Variants in COQ6 observed in about 807,000 individuals in gnomAD.
COQ6 encodes the protein ubiquinone biosynthesis monooxygenase COQ6, mitochondrial.
COQ6 carries 45 observed loss-of-function variants against 55.5 expected under a neutral mutation model. That is an observed-to-expected ratio of 0.81 (90% CI 0.64 to 1.04). The LOEUF (loss-of-function observed/expected upper bound fraction) is 1.04. Among genes scored for constraint, COQ6 ranks in the 50% least tolerant of loss-of-function variants. The probability of loss-of-function intolerance (pLI) is 0.00; values close to 1 mark genes in which losing one functional copy is unlikely to be tolerated. For missense variants in COQ6, 550 were observed against 601.3 expected (o/e 0.91, Z 0.89); for synonymous variants, 206 against 230.5 (o/e 0.89, Z 0.96).
intron 4 of COQ6, 30 bp downstream of exon 4, chr14:73,955,958 A>T: frequency 6.2e-7 from 1 of 1,613,572 alleles, no homozygotes; most frequent in Non-Finnish European, 8.5e-7. Flanking sequence ...CCTTGCATTC[A>T]TTGGGAAGTG....
chr14:73,960,186 C>T (rs941015802), intron 8 of COQ6: 6 of 987,506 alleles, frequency 6.1e-6, no homozygotes, highest in Non-Finnish European at 6.0e-6. Context: ...AAAGGCCGAG[C>T]GAATTTCAGC....
Position 73,963,379 on chromosome 14 carries a change from A to C in COQ6, c.*380A>C, listed in dbSNP as rs1400410771. 2.9e-6 allele frequency: 1 copy of C among 343,224 alleles called. No individual in the cohort carries two copies. Among genetic ancestry groups the C allele is most frequent in the Non-Finnish European group, 5.2e-6 (1 of 190,636 alleles). The allele number at this position is 343,224 out of a possible 1,614,324, so 21.3% of individuals were successfully genotyped here. A position where few individuals can be genotyped will look rare whatever the true frequency, so the allele number is the denominator to read the frequency against. ...ATACAGTTGTTTTTTGATAGAGGTA[A>C]GAATTAGACTCGATGCATTTTTGTT... On this transcript the variant is annotated 3_prime_UTR_variant, in exon 12 of 12. Transcript: ENST00000334571.
chr14:73,955,658 G>A (rs569943248), intron 3 of COQ6, 147 bp from the exon 4 acceptor site: 2 of 1,415,082 alleles, frequency 1.4e-6, no homozygotes, highest in African/African-American at 1.4e-5. Context: ...ATTCCCAGGA[G>A]AATTTTCTTC....
chr14:73,954,851 A>G (rs1353857535), intron 2 of COQ6, among the ~76,000 whole-genome samples: 5 of 150,768 alleles, frequency 3.3e-5, no homozygotes, highest in Non-Finnish European at 7.4e-5. Flanking sequence ...CTCAAAAAAA[A>G]AAAAAAAAAA....
intron 11 of COQ6, 154 bp from the exon 12 acceptor site, chr14:73,962,816 C>T: frequency 1.5e-6 from 1 of 660,840 alleles, no homozygotes; most frequent in South Asian, 1.9e-5. Context: ...GACCCTGTCT[C>T]TAAAACGTGT....
chr14:73,958,096 C>A, intron 4 of COQ6, 51 bp from the exon 5 acceptor site: 1 of 1,461,528 alleles, frequency 6.8e-7, no homozygotes, highest in Non-Finnish European at 9.6e-7. Context: ...TTTTCCTCAG[C>A]CTATGTGGCC....
Position 73,950,329 on chromosome 14 carries a change from C to A in COQ6, c.-4C>A. 1 of 1,550,482 alleles carries A rather than the reference C, an allele frequency of 6.4e-7. No homozygotes were observed. The highest frequency in any genetic ancestry group is 8.7e-7 in the Non-Finnish European group (1 of 1,150,638). ...TTCTGAGTGCGACGGCGCAGGTCTG[C>A]ACCATGGCGGCCCGGCTTGTCAGCC... On this transcript the variant is annotated 5_prime_UTR_variant, in exon 1 of 12. Coordinates refer to ENST00000334571, the MANE Select transcript of COQ6 (RefSeq NM_182476.3).
chr14:73,950,185 G>A (rs760872808), upstream of COQ6: 9 of 1,562,084 alleles, frequency 5.8e-6, no homozygotes, highest in South Asian at 4.6e-5. Flanking sequence ...GGCAAGGTTC[G>A]TTTTCCGATT....
rs1207947323 is a variant in COQ6 at position 73,953,416 on chromosome 14, T to C, written c.164-19T>C. On this transcript the variant is annotated intron_variant, in intron 1 of 11. Transcript: ENST00000334571. ...AATTCTTGATTTTCCTAAGATGATA[T>C]AAATTTTCTTTTTTTAAGGATATGA... is the stretch of plus-strand genomic sequence containing the variant. 3.7e-6 allele frequency: 6 copies of C among 1,600,400 alleles called. No homozygotes were observed. Among genetic ancestry groups the C allele is most frequent in the Non-Finnish European group, 4.3e-6 (5 of 1,168,182 alleles).
At position 73,959,532 on chromosome 14, in the gene COQ6, A is replaced by G; in HGVS notation, c.891+10A>G. 1 of 1,613,886 alleles carries G rather than the reference A, an allele frequency of 6.2e-7. No homozygotes were observed. Among genetic ancestry groups the G allele is most frequent in the South Asian group, 1.1e-5 (1 of 91,056 alleles). On this transcript the variant is annotated intron_variant, in intron 8 of 11. Transcript: ENST00000334571. The stretch of plus-strand genomic sequence containing the variant: ...CGTTAACTCTGCCTTTGTGAGTATC[A>G]ATTTACCCAGCTGATGATGTGCTGC...
chr14:73,951,155 C>G (rs1164515070), intron 1 of COQ6, among the ~76,000 whole-genome samples: 1 of 152,050 alleles, frequency 6.6e-6, no homozygotes, highest in Non-Finnish European at 1.5e-5. Flanking sequence ...CGCCACCACT[C>G]GGCTGATTTT....
In COQ6 at chr14:73,958,183, G is replaced by A. The variant is rs760954348; in HGVS notation, c.518G>A (p.Arg173His). 4.3e-6 allele frequency: 7 copies of A among 1,613,924 alleles called. No homozygotes were observed. Among genetic ancestry groups the A allele is most frequent in the East Asian group, 2.2e-5 (1 of 44,874 alleles). ...GTTCTCTACAGGAGCAAAGCCATTC[G>A]CTATACCTGGCCTTGTCCATTTCCT... ...VTVLYRSKAI[R>H]YTWPCPFPMA... The change falls in exon 5 of 12, where the codon CGC (arginine) becomes CAC (histidine). Residue 173 changes from arginine to histidine, a missense_variant. Coordinates refer to ENST00000334571, the MANE Select transcript of COQ6 (RefSeq NM_182476.3).
chr14:73,959,279 C>G, intron 7 of COQ6, 55 bp downstream of exon 7: 1 of 1,614,216 alleles, frequency 6.2e-7, no homozygotes, highest in Non-Finnish European at 8.5e-7. Flanking sequence ...TTCCTCTTCA[C>G]TTTCTCTCAG....
At chr14:73,959,131 C>T in intron 6 of COQ6, 31 bp from the exon 7 acceptor site, 1 of 1,614,178 alleles carries the variant, frequency 6.2e-7, no homozygotes, top group Non-Finnish European at 8.5e-7. Flanking sequence ...CTAGGTACTT[C>T]ACAGAGAAAC....
chr14:73,953,391 A>T (rs757957335), intron 1 of COQ6, 44 bp from the exon 2 acceptor site: 1 of 1,541,428 alleles, frequency 6.5e-7, no homozygotes, highest in East Asian at 2.2e-5. Context: ...TGGGAAAGGA[A>T]ATTCTTGATT....
chr14:73,960,979 C>G, intron 8 of COQ6, 194 bp from the exon 9 acceptor site: 1 of 707,342 alleles, frequency 1.4e-6, no homozygotes, highest in Non-Finnish European at 2.5e-6. Flanking sequence ...TACAGTTTGG[C>G]TAGATCTTAA....
At position 73,962,968 on chromosome 14, in the gene COQ6, A is replaced by C. The variant is rs1233341017; in HGVS notation, c.1378-2A>C. 8.7e-6 allele frequency: 14 copies of C among 1,606,886 alleles called. No individual in the cohort carries two copies. Among genetic ancestry groups the C allele is most frequent in the Non-Finnish European group, 1.0e-5 (12 of 1,173,590 alleles). On this transcript the variant is annotated splice_acceptor_variant, in intron 11 of 11. Coordinates refer to ENST00000334571, the MANE Select transcript of COQ6 (RefSeq NM_182476.3). LOFTEE classifies it high-confidence loss of function. ...TTTCATTCACTTTTATTTTTTCTCC[A>C]GGAACAGATTATGGCCTTTGCAAGC...
At chr14:73,950,717 CATGG>C (rs2056157715) in intron 1 of COQ6, 1 of 623,554 alleles carries the variant, frequency 1.6e-6, no homozygotes, top group Non-Finnish European at 2.7e-6. Flanking sequence ...CTGTTCTACT[CATGG>C]GAAAACAGGC....
chr14:73,953,759 A>C, intron 2 of COQ6, 190 bp downstream of exon 2: 4 of 690,468 alleles, frequency 5.8e-6, no homozygotes, highest in Non-Finnish European at 1.0e-5. Context: ...TACTGCCTCA[A>C]CTCCCTGTCT....
Sources: gnomAD v4.1 joint callset for allele counts (sites outside exome capture counted in the v4.1 genomes callset) on GRCh38, gnomAD v4.1.1 for gene constraint, MANE v1.5 for transcripts, NCBI Gene and HGNC (gene_info 2026-07-23, HGNC 2026-07-21) for gene names.